The following RIF1 variants were observed in gnomAD, a reference collection of about 807,000 sequenced individuals.
RIF1 encodes the protein replication timing regulatory factor 1, also known as telomere-associated protein RIF1.
RIF1 carries 45 observed loss-of-function variants against 247.1 expected under a neutral mutation model. The ratio of observed to expected loss-of-function variants is 0.18; its 90% CI spans 0.14 to 0.23. The LOEUF is 0.23. RIF1 is among the 10% of genes least tolerant of loss of function. RIF1 has a pLI of 1.00. For synonymous variants in RIF1, 1,087 were observed against 978.8 expected (o/e 1.11, Z -2.06); for missense variants, 2,967 against 2,862.5 (o/e 1.04, Z -0.83).
the RIF1 span, chr2:151,525,833 C>G: frequency 2.5e-6 from 2 of 799,458 alleles, no homozygotes; most frequent in Non-Finnish European, 4.5e-6. Context: ...TTAAGATTCA[C>G]ATGTAGATAT....
intron 8 of RIF1, among the ~76,000 whole-genome samples, chr2:151,427,874 T>C (rs772827117): frequency 7.2e-5 from 11 of 152,040 alleles, no homozygotes; most frequent in Non-Finnish European, 1.5e-4. Flanking sequence ...CTGGCCAACA[T>C]GGTGAAACCC....
At position 151,477,243 on chromosome 2, in the gene RIF1, T is replaced by C. The variant is rs959181710; in HGVS notation, c.*2172T>C. Reference sequence around the variant, plus strand: ...TTCCCGAATAGCAAAACATTAATATTCCATGATTAGCTCTACTGTGTTGTC... The same window carrying C: ...TTCCCGAATAGCAAAACATTAATATCCCATGATTAGCTCTACTGTGTTGTC... On this transcript the variant is annotated 3_prime_UTR_variant, in exon 36 of 36. Transcript: ENST00000444746. The C allele has an allele frequency of 4.6e-5, 7 of 152,222 alleles. No homozygotes were observed. Among genetic ancestry groups the C allele is most frequent in the Non-Finnish European group, 8.8e-5 (6 of 68,040 alleles). 9.4% of individuals were successfully genotyped at this position (152,222 alleles called of 1,614,324 possible).
intron 14 of RIF1, 61 bp downstream of exon 14, chr2:151,438,807 T>A: frequency 1.0e-6 from 1 of 982,402 alleles, no homozygotes; most frequent in Non-Finnish European, 1.6e-6. Context: ...CAGATGATTT[T>A]TATAGCATCC....
intron 3 of RIF1, among the ~76,000 whole-genome samples, chr2:151,412,665 T>C (rs980404573): frequency 1.3e-5 from 2 of 152,126 alleles, no homozygotes; most frequent in African/African-American, 4.8e-5. Context: ...ATATTTTTAG[T>C]AGAGACGGGC....
chr2:151,452,906 A>G (rs1308393370), intron 21 of RIF1, among the ~76,000 whole-genome samples: 1 of 152,210 alleles, frequency 6.6e-6, no homozygotes, highest in African/African-American at 2.4e-5. Flanking sequence ...CTCCGTGTCC[A>G]TGCAAAACAG....
chr2:151,448,477 A>G (rs1449919971), intron 20 of RIF1, among the ~76,000 whole-genome samples: 1 of 152,196 alleles, frequency 6.6e-6, no homozygotes, highest in African/African-American at 2.4e-5. Context: ...ATTTATATAC[A>G]TATCCTCTAC....
chr2:151,426,139 A>C (rs1414471796), intron 8 of RIF1, among the ~76,000 whole-genome samples: 3 of 71,438 alleles, frequency 4.2e-5, no homozygotes, highest in African/African-American at 4.9e-5. Flanking sequence ...GTCTGGTTTT[A>C]TTATTTTTCA....
intron 15 of RIF1, among the ~76,000 whole-genome samples, chr2:151,441,241 T>G (rs1692246945): frequency 6.6e-6 from 1 of 152,044 alleles, no homozygotes; most frequent in Non-Finnish European, 1.5e-5. Context: ...AAAGACAGTA[T>G]GGTAGTATTT....
intron 8 of RIF1, among the ~76,000 whole-genome samples, chr2:151,426,517 C>G (rs756096357): frequency 2.0e-5 from 3 of 151,824 alleles, no homozygotes; most frequent in African/African-American, 7.3e-5. Flanking sequence ...ATTTGACGAT[C>G]GACTTCTTTA....
intron 15 of RIF1, among the ~76,000 whole-genome samples, chr2:151,441,046 G>A (rs951090764): frequency 6.6e-6 from 1 of 151,986 alleles, no homozygotes; most frequent in African/African-American, 2.4e-5. Flanking sequence ...CAGCACTTTG[G>A]GAGGGCAAGG....
At position 151,464,702 on chromosome 2, in the gene RIF1, A is replaced by G; in HGVS notation, c.5182A>G (p.Arg1728Gly). 1.2e-6 allele frequency: 2 copies of G among 1,612,992 alleles called. No individual in the cohort carries two copies. The highest frequency in any genetic ancestry group is 1.7e-6 in the Non-Finnish European group (2 of 1,179,492). Residue 1728 changes from arginine to glycine, a missense_variant, in exon 30 of 36, where the codon AGA becomes GGA. Physicochemically the swap from Arg to Gly is moderately radical, Grantham distance 125. This residue lies in a region of RIF1 where 2,028 missense variants were observed against 1,825.6 expected (regional missense o/e 1.11). Transcript: ENST00000444746. ...ACACAAGAGAAGTAGGAGGGTGAGG[A>G]GATCTAAAGGTTGTGATTGCTGTGG... ...CQHKRSRRVR[R>G]SKGCDCCGEK...
the RIF1 span, among the ~76,000 whole-genome samples, chr2:151,521,487 A>T: frequency 3.3e-5 from 5 of 152,250 alleles, no homozygotes; most frequent in Non-Finnish European, 7.3e-5. Flanking sequence ...TTCCTAAGAG[A>T]TATAGAAGTC....
chr2:151,470,928 G>T (rs1365407436), intron 34 of RIF1, among the ~76,000 whole-genome samples: 1 of 152,044 alleles, frequency 6.6e-6, no homozygotes. Flanking sequence ...ATTAAGATAT[G>T]ATTTACATCG....
intron 10 of RIF1, 64 bp from the exon 11 acceptor site, chr2:151,435,399 T>A: frequency 1.1e-6 from 1 of 896,284 alleles, no homozygotes; most frequent in South Asian, 1.5e-5. Context: ...TTATATTATG[T>A]GAGGCTTTTA....
At chr2:151,439,902 A>C (rs1250960614) in intron 14 of RIF1, 125 bp from the exon 15 acceptor site, 9 of 521,464 alleles carry the variant, frequency 1.7e-5, no homozygotes, top group Non-Finnish European at 3.0e-5. Flanking sequence ...GAACCCAGGA[A>C]GTGGTGGTTG....
intron 23 of RIF1, 72 bp from the exon 24 acceptor site, chr2:151,457,689 T>TG: frequency 8.8e-7 from 1 of 1,142,460 alleles, no homozygotes; most frequent in African/African-American, 1.6e-5. Flanking sequence ...TTTTAAAAAT[T>TG]GAAATAGCAA....
chr2:151,474,091 G>T lies in RIF1; in HGVS notation c.7204+19G>T. 1.7e-6 allele frequency: 2 copies of T among 1,157,890 alleles called. No individual in the cohort carries two copies. Among genetic ancestry groups the T allele is most frequent in the African/African-American group, 1.6e-5 (1 of 64,452 alleles). The allele number at this position is 1,157,890 out of a possible 1,614,324, so 71.7% of individuals were successfully genotyped here. A position where few individuals can be genotyped will look rare whatever the true frequency, so the allele number is the denominator to read the frequency against. On this transcript the variant is annotated intron_variant, in intron 35 of 35. Coordinates refer to ENST00000444746, the MANE Select transcript of RIF1 (RefSeq NM_018151.5). ...GTCTCAGGTATATTTTAGCAAAAGT[G>T]GGATAATTTTATTTAGAAGATCAGC...
chr2:151,508,332 G>A (rs900230420), downstream of RIF1, among the ~76,000 whole-genome samples: 1 of 152,208 alleles, frequency 6.6e-6, no homozygotes, highest in Non-Finnish European at 1.5e-5. Flanking sequence ...CAGACATTCA[G>A]TAGGACCTAT....
At chr2:151,507,943 G>A in exon 14 of RIF1, 1 of 1,175,306 alleles carries the variant, frequency 8.5e-7, no homozygotes, top group Non-Finnish European at 1.2e-6. Flanking sequence ...GATATCCAGA[G>A]GCATCTTCCT....
Sources: gnomAD v4.1 joint callset for allele counts (sites outside exome capture counted in the v4.1 genomes callset) on GRCh38, gnomAD v4.1.1 for gene constraint, gnomAD v4.1.1 regional missense constraint, MANE v1.5 for transcripts, NCBI Gene and HGNC (gene_info 2026-07-23, HGNC 2026-07-21) for gene names.